PIR: variants seen among roughly 807,000 people sequenced by gnomAD.
PIR encodes pirin, also known as pirin (iron-binding nuclear protein).
Under a neutral mutation model 24.2 loss-of-function variants are expected in PIR, and 22 were observed. That is an observed-to-expected ratio of 0.91 (90% CI 0.65 to 1.30). The LOEUF is 1.30. Among genes scored for constraint, PIR ranks in the 50% most tolerant of loss-of-function variants. The pLI, the probability that PIR is intolerant of heterozygous loss-of-function variation, is 0.00. For missense variants in PIR, 220 were observed against 220.3 expected (o/e 1.00, Z 0.01); for synonymous variants, 80 against 79.6 (o/e 1.00, Z -0.03).
At position 15,455,977 on chromosome X, in the gene PIR, CCA is replaced by C. The variant is rs749010056; in HGVS notation, c.349_350del (p.Trp117GlyfsTer2). On this transcript the variant is annotated frameshift_variant, in exon 5 of 10. Coordinates refer to ENST00000380420, the MANE Select transcript of PIR (RefSeq NM_001018109.3). LOFTEE classifies it high-confidence loss of function. ...SEEPAHGLQL[W>X]VNLRSSEKMV... Reference sequence around the variant, plus strand: ...TCTTCTCTGAGCTCCTCAAATTAACCCACAGTTGTAGGCCATGGGCTGGCTCC... The same window carrying C: ...TCTTCTCTGAGCTCCTCAAATTAACCCAGTTGTAGGCCATGGGCTGGCTCC... The C allele has an allele frequency of 8.3e-7, 1 of 1,211,267 alleles. No individual in the cohort carries two copies. The highest frequency in any genetic ancestry group is 1.1e-6 in the Non-Finnish European group (1 of 894,849).
At chrX:15,469,287 C>G (rs1407161332) in intron 3 of PIR, among the ~76,000 whole-genome samples, 1 of 111,749 alleles carries the variant, frequency 8.9e-6, no homozygotes, top group Admixed American at 9.5e-5. Context: ...AAATTTATCT[C>G]TAGGAAAAGG....
chrX:15,467,714 G>A (rs759096573), intron 3 of PIR, among the ~76,000 whole-genome samples: 11 of 111,413 alleles, frequency 9.9e-5, no homozygotes, highest in African/African-American at 2.3e-4. Flanking sequence ...ATTTTTTTAC[G>A]TTGTTCCCAT....
intron 5 of PIR, among the ~76,000 whole-genome samples, chrX:15,450,301 A>C (rs974237699): frequency 6.3e-5 from 7 of 110,965 alleles, no homozygotes; most frequent in East Asian, 2.8e-4. Flanking sequence ...GGACAGCTGG[A>C]GCCTGTTTAC....
intron 4 of PIR, among the ~76,000 whole-genome samples, chrX:15,458,671 G>A (rs1271886894): frequency 8.9e-6 from 1 of 112,204 alleles, no homozygotes; most frequent in African/African-American, 3.2e-5. Context: ...TTATCGCAAA[G>A]AGATCATGCA....
rs751833973 is a variant in PIR, at chrX:15,397,483, A to G, written c.659T>C (p.Leu220Pro). The G allele has an allele frequency of 9.9e-6, 12 of 1,207,277 alleles. No individual in the cohort carries two copies. The South Asian group carries it at 1.9e-4, about 19-fold the overall frequency. Residue 220 changes from leucine to proline, a missense_variant, in exon 8 of 10, where the codon CTT (leucine) becomes CCT (proline). Transcript: ENST00000380420. ...CACCTGGACACTGTCACCTTCTCCAAGCACTGCTGTGTGATGAGGTTCTAT... is the reference window on the plus strand; with the variant it reads ...CACCTGGACACTGTCACCTTCTCCAGGCACTGCTGTGTGATGAGGTTCTAT... ...QKIEPHHTAV[L>P]GEGDSVQVEN...
At chrX:15,464,655 A>G (rs1921468596) in intron 3 of PIR, among the ~76,000 whole-genome samples, 1 of 112,586 alleles carries the variant, frequency 8.9e-6, no homozygotes, top group Non-Finnish European at 1.9e-5. Flanking sequence ...GGAACAAAGC[A>G]TTTAGGATCT....
chrX:15,473,758 T>C (rs1416909060), intron 3 of PIR, among the ~76,000 whole-genome samples: 1 of 111,891 alleles, frequency 8.9e-6, no homozygotes, highest in African/African-American at 3.2e-5. Flanking sequence ...GGTTTCACCA[T>C]GTTGGCCAGG....
chrX:15,431,398 T>C (rs898056958), intron 5 of PIR, among the ~76,000 whole-genome samples: 1 of 111,955 alleles, frequency 8.9e-6, no homozygotes, highest in Admixed American at 9.5e-5. Context: ...CAAAAGCAAA[T>C]TGTTCAACAT....
At chrX:15,458,526 C>T (rs1440881137) in intron 4 of PIR, among the ~76,000 whole-genome samples, 1 of 111,174 alleles carries the variant, frequency 9.0e-6, no homozygotes, top group Non-Finnish European at 1.9e-5. Context: ...GTGGTCCCAC[C>T]TACTAGGGAA....
chrX:15,434,710 G>GTT (rs112032769), intron 5 of PIR, among the ~76,000 whole-genome samples: 3 of 87,143 alleles, frequency 3.4e-5, no homozygotes, highest in African/African-American at 1.3e-4. Flanking sequence ...TACATGAGAG[G>GTT]TTTGTTTTTT....
At chrX:15,454,133 G>A (rs180715177) in intron 5 of PIR, among the ~76,000 whole-genome samples, 297 of 111,192 alleles carry the variant, frequency 2.7e-3, no homozygotes, top group African/African-American at 8.2e-3. Flanking sequence ...CCTTTAGACC[G>A]CTCTGCCTGA....
intron 7 of PIR, among the ~76,000 whole-genome samples, chrX:15,400,555 C>T (rs1051231396): frequency 9.0e-6 from 1 of 110,834 alleles, no homozygotes; most frequent in Admixed American, 9.6e-5. Context: ...GGGGAGCTTG[C>T]TTGACTATGG....
chrX:15,482,823 A>G (rs751299563), intron 2 of PIR, among the ~76,000 whole-genome samples: 61 of 111,669 alleles, frequency 5.5e-4, no homozygotes, highest in Admixed American at 9.5e-4. Flanking sequence ...CATTATTAGA[A>G]TTACTTACAC....
intron 7 of PIR, among the ~76,000 whole-genome samples, chrX:15,406,670 T>C (rs1289953965): frequency 9.0e-6 from 1 of 111,431 alleles, no homozygotes; most frequent in Admixed American, 9.5e-5. Context: ...AGCTGTTTTC[T>C]CCCAGTGCTA....
intron 6 of PIR, among the ~76,000 whole-genome samples, chrX:15,423,855 A>G (rs983363631): frequency 8.9e-6 from 1 of 112,403 alleles, no homozygotes; most frequent in African/African-American, 3.2e-5. Context: ...AGAAATGCAA[A>G]CCAAAACCAC....
At chrX:15,400,347 T>C (rs182624625) in intron 7 of PIR, among the ~76,000 whole-genome samples, 1 of 112,171 alleles carries the variant, frequency 8.9e-6, no homozygotes, top group Non-Finnish European at 1.9e-5. Context: ...GAAACATGTC[T>C]TTATCTTCAA....
chrX:15,402,785 T>C (rs989307518), intron 7 of PIR, among the ~76,000 whole-genome samples: 2 of 111,828 alleles, frequency 1.8e-5, no homozygotes, highest in East Asian at 5.6e-4. Context: ...GAACATATGA[T>C]GTTTGTCTTT....
At chrX:15,467,020 A>C (rs1308419581) in intron 3 of PIR, among the ~76,000 whole-genome samples, 3 of 112,379 alleles carry the variant, frequency 2.7e-5, no homozygotes, top group Non-Finnish European at 3.8e-5. Context: ...GAAGGCAGGG[A>C]CTTTTTTAAC....
At chrX:15,433,621 G>A (rs1169606250) in intron 5 of PIR, among the ~76,000 whole-genome samples, 1 of 97,840 alleles carries the variant, frequency 1.0e-5, no homozygotes, top group Non-Finnish European at 2.0e-5. Context: ...GGAGAAAGAA[G>A]GAGGAGAAAG....
Sources: gnomAD v4.1 joint callset for allele counts (sites outside exome capture counted in the v4.1 genomes callset) on GRCh38, gnomAD v4.1.1 for gene constraint, MANE v1.5 for transcripts, NCBI Gene and HGNC (gene_info 2026-07-23, HGNC 2026-07-21) for gene names.